Variants in MCU observed in about 807,000 individuals in gnomAD.
MCU encodes mitochondrial calcium uniporter, also known as calcium uniporter protein, mitochondrial.
In MCU, 12 loss-of-function variants were observed where a neutral mutation model predicts 45.2. The ratio of observed to expected loss-of-function variants is 0.27; its 90% CI spans 0.17 to 0.43. The LOEUF is 0.43. Ranked by LOEUF, MCU falls within the 20% of genes least tolerant of loss-of-function variation. The pLI is 1.00. For missense variants in MCU, 324 were observed against 436.7 expected, an observed-to-expected ratio of 0.74 and a Z score of 2.30; for synonymous variants, 160 against 165.1, an observed-to-expected ratio of 0.97 and a Z score of 0.24.
intron 2 of MCU, among the ~76,000 whole-genome samples, chr10:72,856,169 G>A (rs186363202): frequency 2.5e-4 from 38 of 152,278 alleles, no homozygotes; most frequent in Admixed American, 3.9e-4. Flanking sequence ...TCCATAGCGT[G>A]ATTTTATTTA....
At chr10:72,879,628 C>T (rs576160581) in intron 6 of MCU, among the ~76,000 whole-genome samples, 20 of 152,160 alleles carry the variant, frequency 1.3e-4, no homozygotes, top group South Asian at 2.1e-4. Context: ...CGTGAAAAGT[C>T]GGAAAAGCAG....
intron 1 of MCU, among the ~76,000 whole-genome samples, chr10:72,833,923 A>G (rs1254355903): frequency 1.3e-5 from 2 of 152,218 alleles, no homozygotes; most frequent in Admixed American, 1.3e-4. Context: ...AATTCTTGAT[A>G]CAGCTACTTA....
At chr10:72,739,012 A>G (rs1305830405) in intron 1 of MCU, among the ~76,000 whole-genome samples, 1 of 152,180 alleles carries the variant, frequency 6.6e-6, no homozygotes, top group Non-Finnish European at 1.5e-5. Flanking sequence ...CCAAAAACAT[A>G]TTTGGTTATG....
At chr10:72,821,084 TG>T (rs1414173251) in intron 1 of MCU, among the ~76,000 whole-genome samples, 1 of 152,186 alleles carries the variant, frequency 6.6e-6, no homozygotes, top group Non-Finnish European at 1.5e-5. Flanking sequence ...TCTAAAGCAT[TG>T]TCCCATTTTT....
chr10:72,802,816 A>T (rs1432151572), intron 1 of MCU, among the ~76,000 whole-genome samples: 1 of 152,198 alleles, frequency 6.6e-6, no homozygotes, highest in Non-Finnish European at 1.5e-5. Context: ...TGATCTGGTA[A>T]ATCTGTTAAA....
chr10:72,839,963 C>CAAA (rs34053459), intron 2 of MCU, among the ~76,000 whole-genome samples: 9 of 76,280 alleles, frequency 1.2e-4, no homozygotes, highest in East Asian at 5.3e-4. Flanking sequence ...GACTCCGTCT[C>CAAA]AAAAAAAAAA....
chr10:72,854,084 C>T (rs1268888294), intron 2 of MCU, among the ~76,000 whole-genome samples: 3 of 151,988 alleles, frequency 2.0e-5, no homozygotes, highest in Non-Finnish European at 4.4e-5. Flanking sequence ...GAGCCAAGAT[C>T]ACACCACTGC....
chr10:72,878,363 C>G (rs1408990991), intron 6 of MCU, among the ~76,000 whole-genome samples: 1 of 152,044 alleles, frequency 6.6e-6, no homozygotes, highest in Admixed American at 6.6e-5. Flanking sequence ...CTCAAGCGAT[C>G]TGCCTGCCTC....
intron 1 of MCU, among the ~76,000 whole-genome samples, chr10:72,807,783 C>T (rs561440429): frequency 6.6e-6 from 1 of 152,262 alleles, no homozygotes; most frequent in African/African-American, 2.4e-5. Context: ...TTCCTTTTCT[C>T]ACCCAAGAAC....
chr10:72,829,359 C>A (rs993758276), intron 1 of MCU, among the ~76,000 whole-genome samples: 4 of 151,004 alleles, frequency 2.6e-5, no homozygotes, highest in African/African-American at 7.3e-5. Context: ...AGAGATTTTC[C>A]CTTTCTCTGA....
At chr10:72,784,016 G>A (rs1184649366) in intron 1 of MCU, among the ~76,000 whole-genome samples, 4 of 152,172 alleles carry the variant, frequency 2.6e-5, no homozygotes, top group Non-Finnish European at 5.9e-5. Flanking sequence ...CTTTTTGGCT[G>A]TTCCACGTAA....
At chr10:72,695,891 C>T (rs188296202) in intron 1 of MCU, among the ~76,000 whole-genome samples, 20 of 151,496 alleles carry the variant, frequency 1.3e-4, no homozygotes, top group African/African-American at 4.4e-4. Context: ...TGGCTGGGTG[C>T]GGTGGCTCAC....
chr10:72,853,518 A>T lies in MCU; in HGVS notation c.221-5659A>T, dbSNP rs545134831. Among the ~76,000 whole-genome samples the T allele has an allele frequency of 4.3e-4, 65 of 152,348 alleles. No homozygotes were observed. The South Asian group carries it at 0.013, about 31-fold the overall frequency. ...AAGCCTCAGTGACCTGTGGGACAAT[A>T]TCACAATGGCCTAACATAAGTGTAA... On this transcript the variant is annotated intron_variant, in intron 2 of 7. Transcript: ENST00000373053.
intron 2 of MCU, among the ~76,000 whole-genome samples, chr10:72,852,330 T>G (rs145654018): frequency 9.8e-4 from 150 of 152,360 alleles, no homozygotes; most frequent in African/African-American, 3.5e-3. Flanking sequence ...CAAATTACTA[T>G]TTTGACCTCT....
At chr10:72,707,698 A>G (rs1003472363) in intron 1 of MCU, among the ~76,000 whole-genome samples, 1 of 151,558 alleles carries the variant, frequency 6.6e-6, no homozygotes, top group African/African-American at 2.4e-5. Flanking sequence ...CAAGTGGTAT[A>G]ATAGGAACTG....
intron 1 of MCU, chr10:72,756,663 T>G (rs1185764955): frequency 6.6e-6 from 1 of 152,198 alleles, no homozygotes; most frequent in Non-Finnish European, 1.5e-5. Context: ...ACTCCTTGAT[T>G]TGACCTTACT....
intron 1 of MCU, among the ~76,000 whole-genome samples, chr10:72,822,188 C>T (rs1463787865): frequency 6.6e-6 from 1 of 152,180 alleles, no homozygotes; most frequent in Non-Finnish European, 1.5e-5. Flanking sequence ...AGGAGAATTG[C>T]TTGAACCTGG....
At chr10:72,829,915 C>T (rs1300606629) in intron 1 of MCU, among the ~76,000 whole-genome samples, 1 of 152,162 alleles carries the variant, frequency 6.6e-6, no homozygotes, top group South Asian at 2.1e-4. Context: ...AAAGGACTTA[C>T]ATGTGTGTTT....
intron 1 of MCU, among the ~76,000 whole-genome samples, chr10:72,745,614 A>T (rs2132703015): frequency 6.6e-6 from 1 of 152,336 alleles, no homozygotes; most frequent in South Asian, 2.1e-4. Context: ...ATTTTCTCAT[A>T]GTACAATGTT....
Sources: gnomAD v4.1 joint callset for allele counts (sites outside exome capture counted in the v4.1 genomes callset) on GRCh38, gnomAD v4.1.1 for gene constraint, MANE v1.5 for transcripts, NCBI Gene and HGNC (gene_info 2026-07-23, HGNC 2026-07-21) for gene names.